The following TG variants were observed in gnomAD, a reference collection of about 807,000 sequenced individuals.
TG encodes the protein thyroglobulin.
In TG, 270 loss-of-function variants were observed where a neutral mutation model predicts 324.7. That is an observed-to-expected ratio of 0.83 (90% confidence interval 0.75 to 0.92). TG has a LOEUF of 0.92. Among genes scored for constraint, TG ranks in the 40% least tolerant of loss-of-function variants. TG has a pLI of 0.00. For synonymous variants in TG, 1,401 were observed against 1,327.0 expected (o/e 1.06, Z -1.21); for missense variants, 3,591 against 3,456.4 (o/e 1.04, Z -0.98).
At chr8:133,017,541 C>T (rs1835148538) in intron 37 of TG, among the ~76,000 whole-genome samples, 1 of 152,200 alleles carries the variant, frequency 6.6e-6, no homozygotes, top group Non-Finnish European at 1.5e-5. Context: ...ATTAGCATTG[C>T]ATTCTGTGCA....
In TG at chr8:132,873,097, C is replaced by T. The variant is rs146797579; in HGVS notation, c.514C>T (p.Leu172Phe). ...RSCEIRNRRL[L>F]HGVGDKSPPQ... ...CTGTGAAATAAGAAATCGTCGTCTT[C>T]TCCACGGGGTGGGAGATAAGTCACC... is the stretch of plus-strand genomic sequence containing the variant. Residue 172 changes from leucine to phenylalanine, a missense_variant, in exon 5 of 48, where the codon CTC (leucine) becomes TTC (phenylalanine). Physicochemically the swap from Leu to Phe is conservative, Grantham distance 22. Coordinates refer to ENST00000220616, the MANE Select transcript of TG (RefSeq NM_003235.5). The T allele has an allele frequency of 6.8e-6, 11 of 1,614,052 alleles. No homozygotes were observed. Among genetic ancestry groups the T allele is most frequent in the Admixed American group, 1.7e-5 (1 of 60,008 alleles).
intron 23 of TG, among the ~76,000 whole-genome samples, chr8:132,931,883 G>C (rs1343804297): frequency 6.6e-6 from 1 of 152,064 alleles, no homozygotes; most frequent in Non-Finnish European, 1.5e-5. Flanking sequence ...ATGGAGACCA[G>C]CCTGGGCAAT....
chr8:133,097,406 A>G (rs1300357020), intron 43 of TG, among the ~76,000 whole-genome samples: 1 of 152,236 alleles, frequency 6.6e-6, no homozygotes, highest in African/African-American at 2.4e-5. Context: ...AAAAAATTGG[A>G]AGCAACTCAA....
intron 35 of TG, among the ~76,000 whole-genome samples, chr8:133,008,353 C>T (rs1047701800): frequency 6.6e-6 from 1 of 152,126 alleles, no homozygotes. Context: ...TTTGCAAAGA[C>T]ATTCATGGAA....
At chr8:132,970,715 C>T (rs758148309) in intron 32 of TG, among the ~76,000 whole-genome samples, 4 of 152,052 alleles carry the variant, frequency 2.6e-5, no homozygotes, top group African/African-American at 4.8e-5. Context: ...AGCCTGACCG[C>T]GGAGCTGTGA....
intron 35 of TG, among the ~76,000 whole-genome samples, chr8:132,996,502 A>G (rs1450272500): frequency 6.6e-6 from 1 of 152,124 alleles, no homozygotes; most frequent in Admixed American, 6.5e-5. Flanking sequence ...AACACTTAGT[A>G]AATGCAAACT....
chr8:133,057,586 C>T (rs549943089), intron 41 of TG, among the ~76,000 whole-genome samples: 3 of 152,176 alleles, frequency 2.0e-5, no homozygotes, highest in East Asian at 1.9e-4. Context: ...TGGGGCAGCC[C>T]GAGTGACTCA....
intron 21 of TG, among the ~76,000 whole-genome samples, chr8:132,921,144 C>T (rs1013306073): frequency 1.3e-5 from 2 of 152,188 alleles, no homozygotes; most frequent in Non-Finnish European, 2.9e-5. Flanking sequence ...TCAGTTAAAC[C>T]TAGTTACTTT....
intron 35 of TG, among the ~76,000 whole-genome samples, chr8:132,995,828 G>A (rs948904841): frequency 2.2e-4 from 34 of 152,168 alleles, no homozygotes; most frequent in Admixed American, 1.5e-3. Context: ...GTCTGGTTTC[G>A]TGTGTGTGGC....
chr8:133,037,669 T>C (rs1837341313), intron 41 of TG: 1 of 151,968 alleles, frequency 6.6e-6, no homozygotes, highest in Non-Finnish European at 1.5e-5. Flanking sequence ...CCTGACACCT[T>C]ACAGAGGACT....
intron 43 of TG, among the ~76,000 whole-genome samples, chr8:133,112,114 C>T (rs12680667): frequency 0.096 from 132 of 1,378 alleles, no homozygotes; most frequent in South Asian, 0.34. Context: ...GTGGCTGTGC[C>T]CACCCAGGAG....
intron 10 of TG, among the ~76,000 whole-genome samples, chr8:132,891,748 A>C (rs1816267029): frequency 6.6e-6 from 1 of 152,242 alleles, no homozygotes; most frequent in Non-Finnish European, 1.5e-5. Context: ...CGGACATTCA[A>C]AATCCCTGGG....
intron 41 of TG, among the ~76,000 whole-genome samples, chr8:133,086,302 T>C (rs149907496): frequency 2.1e-3 from 317 of 152,358 alleles, no homozygotes; most frequent in African/African-American, 7.2e-3. Context: ...CACAACTCTG[T>C]GACTATAACT....
chr8:132,980,794 C>G (rs1490520797), intron 34 of TG, among the ~76,000 whole-genome samples: 3 of 152,146 alleles, frequency 2.0e-5, no homozygotes, highest in Non-Finnish European at 4.4e-5. Flanking sequence ...GGCAAAAAAC[C>G]TGACAGATGT....
chr8:133,004,789 G>A (rs112230272), intron 35 of TG, among the ~76,000 whole-genome samples: 1 of 152,114 alleles, frequency 6.6e-6, no homozygotes, highest in South Asian at 2.1e-4. Flanking sequence ...GACCAGATGC[G>A]GATGTTAGAA....
At chr8:132,963,795 A>G (rs1165033544) in intron 29 of TG, among the ~76,000 whole-genome samples, 1 of 152,110 alleles carries the variant, frequency 6.6e-6, no homozygotes, top group Non-Finnish European at 1.5e-5. Context: ...GCCAGATCAG[A>G]CTGCTGGCAC....
At chr8:132,959,255 T>A (rs934154970) in intron 27 of TG, among the ~76,000 whole-genome samples, 2 of 152,208 alleles carry the variant, frequency 1.3e-5, no homozygotes, top group Admixed American at 6.5e-5. Context: ...CAAACACCTT[T>A]AACATTTTTG....
intron 26 of TG, among the ~76,000 whole-genome samples, chr8:132,944,314 T>G (rs1824904937): frequency 6.6e-6 from 1 of 152,196 alleles, no homozygotes; most frequent in Non-Finnish European, 1.5e-5. Flanking sequence ...TTAATTGGCC[T>G]CTCACCACCA....
chr8:132,893,017 G>C (rs558651803), intron 10 of TG, among the ~76,000 whole-genome samples: 6 of 149,952 alleles, frequency 4.0e-5, no homozygotes, highest in Non-Finnish European at 7.4e-5. Context: ...TGGTGTGTGT[G>C]TGTGTGGTAT....
Sources: allele counts gnomAD v4.1 joint callset (sites outside exome capture counted in the v4.1 genomes callset), GRCh38; gene constraint gnomAD v4.1.1; transcripts MANE v1.5; gene names NCBI Gene and HGNC (gene_info 2026-07-23, HGNC 2026-07-21).